The following C10orf71 variants were observed in gnomAD, a reference collection of about 807,000 sequenced individuals.
C10orf71 encodes the protein cardiac-enriched FHL2-interacting protein.
For missense variants in C10orf71, 1,869 were observed against 1,804.5 expected (o/e 1.04, Z -0.65); for synonymous variants, 758 against 726.3 (o/e 1.04, Z -0.70).
intron 2 of C10orf71, among the ~76,000 whole-genome samples, chr10:49,316,747 C>T (rs899257747): frequency 2.6e-5 from 4 of 152,178 alleles, no homozygotes; most frequent in African/African-American, 9.7e-5. Context: ...CACTTCCGTC[C>T]TTGTGTAGCT....
At position 49,324,787 on chromosome 10, in the gene C10orf71, T is replaced by A. The variant is rs1466747833; in HGVS notation, c.2242T>A (p.Phe748Ile). 6.4e-7 allele frequency: 1 copy of A among 1,552,408 alleles called. No homozygotes were observed. Among genetic ancestry groups the A allele is most frequent in the Non-Finnish European group, 8.7e-7 (1 of 1,147,270 alleles). ...ATTTGATGATCAGCAGAAGATGTGGTTTACTGAGAACCAGCGGGAAGACAG... is the reference window on the plus strand; with the variant it reads ...ATTTGATGATCAGCAGAAGATGTGGATTACTGAGAACCAGCGGGAAGACAG... ...ASFDDQQKMW[F>I]TENQREDRRK... Residue 748 changes from phenylalanine (F) to isoleucine (I), a missense_variant, in exon 3 of 3, where the codon TTT becomes ATT. Coordinates refer to ENST00000374144, the MANE Select transcript of C10orf71 (RefSeq NM_001135196.2).
upstream of C10orf71, among the ~76,000 whole-genome samples, chr10:49,297,505 T>C (rs1367610010): frequency 4.6e-5 from 7 of 152,228 alleles, no homozygotes; most frequent in African/African-American, 1.7e-4. Flanking sequence ...AAGTAAATGT[T>C]GATACAGATG....
chr10:49,311,516 G>A (rs1848914418), intron 1 of C10orf71, among the ~76,000 whole-genome samples: 1 of 152,214 alleles, frequency 6.6e-6, no homozygotes, highest in Admixed American at 6.5e-5. Flanking sequence ...ACATTTCCCA[G>A]TGAGCAGGGT....
At chr10:49,319,461 T>C (rs1849053934) in intron 2 of C10orf71, among the ~76,000 whole-genome samples, 2 of 151,772 alleles carry the variant, frequency 1.3e-5, no homozygotes, top group African/African-American at 2.4e-5. Flanking sequence ...AGTCTAGAAG[T>C]TCCTTAAAAA....
At chr10:49,297,987 T>C (rs1486911644), upstream of C10orf71, among the ~76,000 whole-genome samples, 3 of 152,234 alleles carry the variant, frequency 2.0e-5, no homozygotes, top group African/African-American at 4.8e-5. Context: ...CGGGTCTGAA[T>C]GCTCCTGCTG....
In C10orf71 at chr10:49,308,141, C is replaced by T. The variant is rs551472229; in HGVS notation, c.-247-8004C>T. 4.7e-4 allele frequency among the ~76,000 whole-genome samples: 72 copies of T among 152,332 alleles called. No homozygotes were observed. In the South Asian group the frequency reaches 5.0e-3, roughly 11 times the overall value. On this transcript the variant is annotated intron_variant, in intron 1 of 2. Transcript: ENST00000374144. ...CAGAGGGCAGCAGCCCCTGCTACCC[C>T]CTGCTCACATCCAGTTCTGTGGGTT... is the stretch of plus-strand genomic sequence containing the variant.
rs899525973 is a variant in C10orf71 at position 49,326,187 on chromosome 10, G to A, written c.3642G>A (p.Leu1214=). 19 of 1,551,504 alleles carry A rather than the reference G, an allele frequency of 1.2e-5. No homozygotes were observed. Among genetic ancestry groups the A allele is most frequent in the Non-Finnish European group, 1.6e-5 (18 of 1,146,962 alleles). ...AGGGAAAGCCCTGCCCGGAGGACTT[G>A]GAGCAGACACAGCAAAGGCCGCTGT... ...SQEGKPCPED[L]EQTQQRPLCP... Residue 1214 remains leucine (L), a synonymous_variant, in exon 3 of 3, where the codon TTG becomes TTA. Coordinates refer to ENST00000374144, the MANE Select transcript of C10orf71 (RefSeq NM_001135196.2).
Position 49,310,800 on chromosome 10 carries a change from T to TGAC in C10orf71, c.-247-5344_-247-5343insACG, listed in dbSNP as rs990359605. The stretch of plus-strand genomic sequence containing the variant: ...CAGATGATGATGATGATGATGATGA[T>TGAC]GGTGATGATGATGATGATGAAGAAG... On this transcript the variant is annotated intron_variant, in intron 1 of 2. Coordinates refer to ENST00000374144, the MANE Select transcript of C10orf71 (RefSeq NM_001135196.2). Among the ~76,000 whole-genome samples, 4 of 150,410 alleles carry TGAC rather than the reference T, an allele frequency of 2.7e-5. 1 individual carries two copies. Among genetic ancestry groups the TGAC allele is most frequent in the Admixed American group, 6.6e-5 (1 of 15,114 alleles).
In C10orf71 at chr10:49,323,988, G is replaced by A. The variant is rs1849157828; in HGVS notation, c.1443G>A (p.Lys481=). The part of the protein sequence containing the change: ...PPGQLNGYQE[K]EPSECQSRDS... Reference sequence around the variant, plus strand: ...GACAGCTAAACGGATACCAAGAGAAGGAGCCCAGTGAATGTCAGTCTCGAG... The same window carrying A: ...GACAGCTAAACGGATACCAAGAGAAAGAGCCCAGTGAATGTCAGTCTCGAG... Residue 481 remains lysine (K), a synonymous_variant, in exon 3 of 3, where the codon AAG becomes AAA. Transcript: ENST00000374144. 1.9e-6 allele frequency: 3 copies of A among 1,613,648 alleles called. No individual in the cohort carries two copies. In the East Asian group the frequency reaches 6.7e-5, roughly 36 times the overall value.
chr10:49,302,600 C>T (rs993993387), intron 1 of C10orf71, among the ~76,000 whole-genome samples: 1 of 152,188 alleles, frequency 6.6e-6, no homozygotes, highest in Non-Finnish European at 1.5e-5. Context: ...AGTAACTTGC[C>T]CAAAGATGCA....
intron 1 of C10orf71, among the ~76,000 whole-genome samples, chr10:49,304,013 G>A (rs1433199487): frequency 6.6e-6 from 1 of 152,212 alleles, no homozygotes; most frequent in African/African-American, 2.4e-5. Context: ...GGGGTGCTCT[G>A]TGTGAGGTCC....
rs527554528 is a variant in C10orf71 at position 49,323,005 on chromosome 10, G to A, written c.460G>A (p.Glu154Lys). ...STLIKSFDRT[E>K]SQRCESRPTA... ...ACTAATTAAATCTTTCGACAGGACC[G>A]AGAGCCAACGTTGTGAGAGCAGGCC... Residue 154 changes from glutamate (E) to lysine (K), a missense_variant, in exon 3 of 3, where the codon GAG (glutamate) becomes AAG (lysine). Glu to Lys is a moderately conservative substitution (Grantham distance 56). Transcript: ENST00000374144. 36 of 1,613,890 alleles carry A rather than the reference G, an allele frequency of 2.2e-5. No individual in the cohort carries two copies. The highest frequency in any genetic ancestry group is 6.7e-5 in the African/African-American group (5 of 74,918).
At position 49,324,154 on chromosome 10, in the gene C10orf71, C is replaced by T. The variant is rs1232417055; in HGVS notation, c.1609C>T (p.Pro537Ser). 6.2e-7 allele frequency: 1 copy of T among 1,614,008 alleles called. No individual in the cohort carries two copies. The highest frequency in any genetic ancestry group is 1.7e-5 in the Admixed American group (1 of 60,028). Residue 537 changes from proline (P) to serine (S), a missense_variant, in exon 3 of 3, where the codon CCT becomes TCT. Coordinates refer to ENST00000374144, the MANE Select transcript of C10orf71 (RefSeq NM_001135196.2). ...AGGTAAGGTTGATGGAAAGCAAGAA[C>T]CTGTGAGCAACGGTGTCATCCTCCC... ...TRGKVDGKQEPVSNGVILPNG... is the reference protein window; with the variant it reads ...TRGKVDGKQESVSNGVILPNG...
Position 49,322,691 on chromosome 10 carries a change from A to G in C10orf71, c.146A>G (p.His49Arg), listed in dbSNP as rs773123919. Reference sequence around the variant, plus strand: ...TGCATCTCCGAGGACACATCCTTCCATGACTCCTATCTGGCTGTGTCCCCG... The same window carrying G: ...TGCATCTCCGAGGACACATCCTTCCGTGACTCCTATCTGGCTGTGTCCCCG... ...SLCISEDTSFHDSYLAVSPDI... is the reference protein window; with the variant it reads ...SLCISEDTSFRDSYLAVSPDI... Residue 49 changes from histidine to arginine, a missense_variant, in exon 3 of 3, where the codon CAT (histidine) becomes CGT (arginine). Physicochemically the swap from His to Arg is conservative, Grantham distance 29. Coordinates refer to ENST00000374144, the MANE Select transcript of C10orf71 (RefSeq NM_001135196.2). The G allele has an allele frequency of 1.9e-6, 3 of 1,613,948 alleles. No individual in the cohort carries two copies. The South Asian group carries it at 3.3e-5, about 18-fold the overall frequency.
At chr10:49,319,497 C>T (rs1849054581) in intron 2 of C10orf71, among the ~76,000 whole-genome samples, 3 of 151,840 alleles carry the variant, frequency 2.0e-5, no homozygotes, top group Admixed American at 6.6e-5. Flanking sequence ...ACCATATAAT[C>T]CAGCAATTCC....
intron 2 of C10orf71, among the ~76,000 whole-genome samples, chr10:49,318,323 A>G (rs556944751): frequency 6.6e-6 from 1 of 152,312 alleles, no homozygotes; most frequent in Admixed American, 6.5e-5. Flanking sequence ...TCTACTGGGG[A>G]AGGCGTGGGC....
chr10:49,326,283 C>A lies in C10orf71; in HGVS notation c.3738C>A (p.Ser1246=). ...RSLPPPVHRH[S]VSGFSEPVGR... ...TGCCCCCTCCCGTGCACCGCCACTC[C>A]GTGTCCGGCTTCTCGGAGCCTGTCG... Residue 1246 remains serine (S), a synonymous_variant, in exon 3 of 3, where the codon TCC becomes TCA. Transcript: ENST00000374144. 2 of 1,550,046 alleles carry A rather than the reference C, an allele frequency of 1.3e-6. No individual in the cohort carries two copies. The highest frequency in any genetic ancestry group is 2.4e-5 in the East Asian group (1 of 40,884).
Position 49,326,259 on chromosome 10 carries a change from G to A in C10orf71, c.3714G>A (p.Leu1238=). 1 of 1,550,108 alleles carries A rather than the reference G, an allele frequency of 6.5e-7. No individual in the cohort carries two copies. The highest frequency in any genetic ancestry group is 8.7e-7 in the Non-Finnish European group (1 of 1,146,648). The change falls in exon 3 of 3, where the codon CTG becomes CTA. Residue 1238 remains leucine, a synonymous_variant. Coordinates refer to ENST00000374144, the MANE Select transcript of C10orf71 (RefSeq NM_001135196.2). ...ACAATTTCCCCGTGGTCCGTTCCCTGCCCCCTCCCGTGCACCGCCACTCCG... is the reference window on the plus strand; with the variant it reads ...ACAATTTCCCCGTGGTCCGTTCCCTACCCCCTCCCGTGCACCGCCACTCCG... The part of the protein sequence containing the change: ...PRHNFPVVRS[L]PPPVHRHSVS...
In C10orf71 at chr10:49,324,645, G is replaced by T. The variant is rs771949060; in HGVS notation, c.2100G>T (p.Gly700=). 6.2e-7 allele frequency: 1 copy of T among 1,613,620 alleles called. No homozygotes were observed. The highest frequency in any genetic ancestry group is 1.7e-5 in the Admixed American group (1 of 59,954). The change falls in exon 3 of 3, where the codon GGG becomes GGT. Residue 700 remains glycine (G), a synonymous_variant. Transcript: ENST00000374144. ...NTHLNQKFFP[G]PLSPEEEDVF... ...ATTTGAACCAGAAATTCTTCCCAGG[G>T]CCCCTCTCTCCTGAGGAGGAAGATG...
Sources: allele counts gnomAD v4.1 joint callset (sites outside exome capture counted in the v4.1 genomes callset), GRCh38; gene constraint gnomAD v4.1.1; transcripts MANE v1.5; gene names NCBI Gene and HGNC (gene_info 2026-07-23, HGNC 2026-07-21).